NEGR1: variants seen among roughly 807,000 people sequenced by gnomAD.
NEGR1 encodes the protein IgLON family member 4.
Under a neutral mutation model 40.9 loss-of-function variants are expected in NEGR1, and 10 were observed. The ratio of observed to expected loss-of-function variants is 0.24; its 90% CI spans 0.15 to 0.42. The LOEUF (loss-of-function observed/expected upper bound fraction) is 0.42, where lower values mean the gene tolerates loss of function less well. NEGR1 is among the 10% of genes least tolerant of loss of function. NEGR1 has a pLI of 1.00. For missense variants in NEGR1, 352 were observed against 438.9 expected (o/e 0.80, Z 1.77); for synonymous variants, 185 against 166.8 (o/e 1.11, Z -0.84).
At chr1:71,769,289 G>C (rs1656236490) in intron 3 of NEGR1, among the ~76,000 whole-genome samples, 1 of 151,896 alleles carries the variant, frequency 6.6e-6, no homozygotes, top group Non-Finnish European at 1.5e-5. Flanking sequence ...TTCTCCAGAA[G>C]TTTACAGTGA....
At chr1:71,585,443 T>G (rs996623285) in intron 6 of NEGR1, among the ~76,000 whole-genome samples, 1 of 152,064 alleles carries the variant, frequency 6.6e-6, no homozygotes. Flanking sequence ...GTGATTAAAT[T>G]GGAAACTCTA....
At chr1:71,694,318 TTTTAA>T (rs1653400671) in intron 4 of NEGR1, among the ~76,000 whole-genome samples, 1 of 151,596 alleles carries the variant, frequency 6.6e-6, no homozygotes, top group Non-Finnish European at 1.5e-5. Flanking sequence ...CTTTTCATTA[TTTTAA>T]TTTTTTAAAA....
At chr1:71,667,472 C>T (rs1057372978) in intron 4 of NEGR1, among the ~76,000 whole-genome samples, 8 of 152,040 alleles carry the variant, frequency 5.3e-5, no homozygotes, top group African/African-American at 1.9e-4. Context: ...GGGACAGAGC[C>T]CTGGGTGGGA....
chr1:72,149,925 GA>G (rs978639048), intron 1 of NEGR1, among the ~76,000 whole-genome samples: 3 of 113,148 alleles, frequency 2.7e-5, no homozygotes, highest in African/African-American at 3.3e-5. Flanking sequence ...AAAAAAGAAA[GA>G]AAAAAAAACA....
At chr1:71,507,788 A>G (rs997613911) in intron 6 of NEGR1, among the ~76,000 whole-genome samples, 2 of 152,214 alleles carry the variant, frequency 1.3e-5, no homozygotes, top group African/African-American at 4.8e-5. Flanking sequence ...AAAGGTTTAC[A>G]AATTAGATGG....
intron 1 of NEGR1, among the ~76,000 whole-genome samples, chr1:72,264,185 T>C (rs17092513): frequency 0.043 from 6,497 of 151,394 alleles, 475 homozygotes; most frequent in African/African-American, 0.15. Flanking sequence ...AGAAATCAGA[T>C]TGAGTTCCAA....
intron 4 of NEGR1, among the ~76,000 whole-genome samples, chr1:71,663,033 T>C (rs530606218): frequency 6.6e-6 from 1 of 152,148 alleles, no homozygotes; most frequent in African/African-American, 2.4e-5. Context: ...CTCGGCTCAC[T>C]GCAAGCTCCG....
chr1:71,598,979 T>C (rs1207144600), intron 5 of NEGR1, among the ~76,000 whole-genome samples: 1 of 152,246 alleles, frequency 6.6e-6, no homozygotes, highest in Non-Finnish European at 1.5e-5. Flanking sequence ...TTATTCACTG[T>C]ATTCTAAGCA....
intron 6 of NEGR1, among the ~76,000 whole-genome samples, chr1:71,507,259 A>G (rs1385000778): frequency 6.6e-6 from 1 of 152,250 alleles, no homozygotes; most frequent in Non-Finnish European, 1.5e-5. Flanking sequence ...TCCCTAAAGT[A>G]GTATTAAGGT....
In NEGR1 at chr1:71,527,536, T is replaced by C. The variant is rs1252251218; in HGVS notation, c.940+65281A>G. ...TAAATAGATAAATTACCCAACCTTC[T>C]TGCTATTGTGTGATTATTTGATAGT... On this transcript the variant is annotated intron_variant, in intron 6 of 6. Transcript: ENST00000357731. 3.3e-5 allele frequency among the ~76,000 whole-genome samples: 5 copies of C among 151,538 alleles called. No individual in the cohort carries two copies. The East Asian group carries it at 9.7e-4, about 29-fold the overall frequency.
At chr1:71,432,402 A>G (rs1046186694) in intron 6 of NEGR1, among the ~76,000 whole-genome samples, 1 of 152,208 alleles carries the variant, frequency 6.6e-6, no homozygotes, top group Non-Finnish European at 1.5e-5. Flanking sequence ...GTTCCCTCCA[A>G]AACTCATGTA....
chr1:71,472,032 ATGT>A (rs1646786082), intron 6 of NEGR1, among the ~76,000 whole-genome samples: 1 of 152,170 alleles, frequency 6.6e-6, no homozygotes, highest in Non-Finnish European at 1.5e-5. Context: ...TTCTGATCAC[ATGT>A]TGTTCTCTCA....
At chr1:71,984,854 A>G (rs1244059688) in intron 1 of NEGR1, among the ~76,000 whole-genome samples, 1 of 152,160 alleles carries the variant, frequency 6.6e-6, no homozygotes, top group Non-Finnish European at 1.5e-5. Context: ...CTTAAGCATG[A>G]TTTTACTAAT....
chr1:71,534,183 T>A lies in NEGR1; in HGVS notation c.940+58634A>T, dbSNP rs1017698855. On this transcript the variant is annotated intron_variant, in intron 6 of 6. Transcript: ENST00000357731. ...ACAACCCCTCCCTCTTTAAAAAAAA[T>A]TTCCAGTCCCTTTGGAACTCTTGGT... is the stretch of plus-strand genomic sequence containing the variant. Among the ~76,000 whole-genome samples the A allele has an allele frequency of 2.4e-4, 37 of 151,796 alleles. 2 individuals are homozygous for A. The South Asian group carries it at 4.3e-3, about 18-fold the overall frequency.
intron 1 of NEGR1, among the ~76,000 whole-genome samples, chr1:72,026,817 T>C (rs948523914): frequency 6.6e-6 from 1 of 152,174 alleles, no homozygotes; most frequent in Non-Finnish European, 1.5e-5. Context: ...TTCTACCCTC[T>C]CCATCAATCC....
intron 1 of NEGR1, among the ~76,000 whole-genome samples, chr1:72,041,237 C>T (rs1367570257): frequency 2.0e-5 from 3 of 151,802 alleles, no homozygotes; most frequent in Admixed American, 6.6e-5. Flanking sequence ...ATCATTTGTC[C>T]TTTGTTTCCC....
intron 5 of NEGR1, among the ~76,000 whole-genome samples, chr1:71,607,660 T>C (rs1382017479): frequency 2.0e-5 from 3 of 152,224 alleles, no homozygotes; most frequent in African/African-American, 7.2e-5. Flanking sequence ...AGCAGGTGCT[T>C]GCTAAATAGA....
chr1:72,217,478 A>T (rs1473881587), intron 1 of NEGR1, among the ~76,000 whole-genome samples: 1 of 151,848 alleles, frequency 6.6e-6, no homozygotes, highest in Non-Finnish European at 1.5e-5. Flanking sequence ...GGTTAATGCC[A>T]ATATGATTTC....
chr1:71,928,406 G>GTATA (rs1267655295), intron 2 of NEGR1, among the ~76,000 whole-genome samples: 1 of 58,498 alleles, frequency 1.7e-5, no homozygotes, highest in Non-Finnish European at 3.5e-5. Context: ...GTATATATGT[G>GTATA]TATGTATATA....
Sources: gnomAD v4.1 joint callset for allele counts (sites outside exome capture counted in the v4.1 genomes callset) on GRCh38, gnomAD v4.1.1 for gene constraint, MANE v1.5 for transcripts, NCBI Gene and HGNC (gene_info 2026-07-23, HGNC 2026-07-21) for gene names.